The following RFWD3 variants were observed in gnomAD, a reference collection of about 807,000 sequenced individuals.
RFWD3 encodes E3 ubiquitin-protein ligase RFWD3.
In RFWD3, 65 loss-of-function variants were observed where a neutral mutation model predicts 87.7. The ratio of observed to expected loss-of-function variants is 0.74; its 90% confidence interval spans 0.61 to 0.91. The LOEUF (loss-of-function observed/expected upper bound fraction) is 0.91, where lower values mean the gene tolerates loss of function less well. RFWD3 is among the 40% of genes least tolerant of loss of function. RFWD3 has a pLI of 0.00. For missense variants in RFWD3, 1,078 were observed against 938.5 expected, an observed-to-expected ratio of 1.15 and a Z score of -1.94; for synonymous variants, 433 against 352.8, an observed-to-expected ratio of 1.23 and a Z score of -2.55.
At position 74,628,320 on chromosome 16, in the gene RFWD3, C is replaced by CA. The variant is rs919075930; in HGVS notation, c.1969+131dup. On this transcript the variant is annotated intron_variant, in intron 11 of 12. Coordinates refer to ENST00000361070, the MANE Select transcript of RFWD3 (RefSeq NM_018124.4). ...GGAGCCACCATACTCCCTGTAGTAG[C>CA]AAGAGCTACAACACACCTCGTTAGC... 15 of 776,800 alleles carry CA rather than the reference C, an allele frequency of 1.9e-5. No individual in the cohort carries two copies. The African/African-American group carries it at 2.1e-4, about 11-fold the overall frequency. The allele number at this position is 776,800 out of a possible 1,614,324, so 48.1% of individuals were successfully genotyped here.
intron 4 of RFWD3, among the ~76,000 whole-genome samples, chr16:74,645,264 C>G (rs780642947): frequency 2.0e-5 from 3 of 152,186 alleles, no homozygotes; most frequent in Non-Finnish European, 4.4e-5. Context: ...GCACACATTT[C>G]TGGAGCACCA....
chr16:74,635,390 C>T (rs1450020370), intron 8 of RFWD3, among the ~76,000 whole-genome samples: 1 of 152,004 alleles, frequency 6.6e-6, no homozygotes, highest in African/African-American at 2.4e-5. Context: ...TCTCTTGAAT[C>T]CAGGAGGCAG....
intron 1 of RFWD3, among the ~76,000 whole-genome samples, chr16:74,663,063 C>T (rs193078789): frequency 6.1e-4 from 93 of 152,092 alleles, no homozygotes; most frequent in African/African-American, 2.0e-3. Context: ...TGCCACCACG[C>T]CTGGCTAATT....
chr16:74,661,168 G>A lies in RFWD3; in HGVS notation c.282C>T (p.Ile94=), dbSNP rs774617901. 6.2e-7 allele frequency: 1 copy of A among 1,614,188 alleles called. No homozygotes were observed. The highest frequency in any genetic ancestry group is 1.3e-5 in the African/African-American group (1 of 75,050). ...TATGTTGTTCTGAAGTTCTTGGATTGATGTTCTCCACAGTGTCTTCTCCCA... is the reference window on the plus strand; with the variant it reads ...TATGTTGTTCTGAAGTTCTTGGATTAATGTTCTCCACAGTGTCTTCTCCCA... The part of the protein sequence containing the change: ...EVLGEDTVEN[I]NPRTSEQHRQ... The change falls in exon 2 of 13, where the codon ATC becomes ATT. Residue 94 remains isoleucine (I), a synonymous_variant. Coordinates refer to ENST00000361070, the MANE Select transcript of RFWD3 (RefSeq NM_018124.4).
intron 9 of RFWD3, 64 bp downstream of exon 9, chr16:74,632,459 T>C (rs576003467): frequency 3.9e-6 from 6 of 1,539,454 alleles, no homozygotes; most frequent in Middle Eastern, 3.5e-4. Flanking sequence ...ATAACACCGA[T>C]ACGAATTCCA....
chr16:74,626,327 A>C lies in RFWD3; in HGVS notation c.2181+16T>G, dbSNP rs1227175474. On this transcript the variant is annotated intron_variant, in intron 12 of 12. Transcript: ENST00000361070. ...AAACTACTTTTTATATGAAAGTAAA[A>C]AAGTAACAGGCTCACCAGGGCAGAA... The C allele has an allele frequency of 2.5e-6, 4 of 1,606,782 alleles. No homozygotes were observed. In the South Asian group the frequency reaches 3.3e-5, roughly 13 times the overall value.
chr16:74,623,125 C>A lies in RFWD3; in HGVS notation c.*803G>T, dbSNP rs1051683635. On this transcript the variant is annotated 3_prime_UTR_variant, in exon 13 of 13. Coordinates refer to ENST00000361070, the MANE Select transcript of RFWD3 (RefSeq NM_018124.4). Reference sequence around the variant, plus strand: ...CTTCAAAGCACTAGCTTGGATAAAACCAATCCTGAGATCCTAAGCTGGCTA... The same window carrying A: ...CTTCAAAGCACTAGCTTGGATAAAAACAATCCTGAGATCCTAAGCTGGCTA... The A allele has an allele frequency of 2.0e-5, 3 of 152,330 alleles. No individual in the cohort carries two copies. The highest frequency in any genetic ancestry group is 7.2e-5 in the African/African-American group (3 of 41,458). The allele number at this position is 152,330 out of a possible 1,614,324, so 9.4% of individuals were successfully genotyped here. A position where few individuals can be genotyped will look rare whatever the true frequency, so the allele number is the denominator to read the frequency against.
intron 8 of RFWD3, among the ~76,000 whole-genome samples, chr16:74,634,197 A>G (rs1959174778): frequency 1.3e-5 from 2 of 152,174 alleles, no homozygotes; most frequent in Admixed American, 1.3e-4. Context: ...ATGAAAATAA[A>G]TAATTTGTCA....
At chr16:74,653,618 G>C (rs1261836118) in intron 2 of RFWD3, among the ~76,000 whole-genome samples, 1 of 152,088 alleles carries the variant, frequency 6.6e-6, no homozygotes, top group Non-Finnish European at 1.5e-5. Flanking sequence ...TTTGAGACCA[G>C]ACTAGCCAAC....
chr16:74,640,239 G>A (rs1019164561), intron 6 of RFWD3, among the ~76,000 whole-genome samples: 1 of 150,942 alleles, frequency 6.6e-6, no homozygotes, highest in Non-Finnish European at 1.5e-5. Flanking sequence ...GCCTCCTCCC[G>A]AGTTCAAGCG....
intron 6 of RFWD3, among the ~76,000 whole-genome samples, chr16:74,638,482 T>C (rs185013077): frequency 6.6e-6 from 1 of 152,254 alleles, no homozygotes; most frequent in East Asian, 1.9e-4. Context: ...AAAGGACACA[T>C]TCACCAAGAA....
chr16:74,636,509 G>A lies in RFWD3; in HGVS notation c.1263C>T (p.Val421=), dbSNP rs1326793356. The A allele has an allele frequency of 2.5e-6, 4 of 1,613,904 alleles. No individual in the cohort carries two copies. Among genetic ancestry groups the A allele is most frequent in the Middle Eastern group, 1.7e-4 (1 of 6,012 alleles). ...LQQPRGSQAW[V]LSCSPSSQGQ... ...CCTGGCTGGAGGGTGAGCAGCTCAG[G>A]ACCCATGCTTGGGAGCCCCTGGGTT... Residue 421 remains valine, a synonymous_variant, in exon 8 of 13, where the codon GTC becomes GTT. Coordinates refer to ENST00000361070, the MANE Select transcript of RFWD3 (RefSeq NM_018124.4).
intron 7 of RFWD3, among the ~76,000 whole-genome samples, chr16:74,636,869 C>T (rs1959209178): frequency 1.3e-5 from 2 of 151,706 alleles, no homozygotes; most frequent in African/African-American, 4.8e-5. Flanking sequence ...CACTACCATG[C>T]CCGGCTAATT....
At position 74,635,471 on chromosome 16, in the gene RFWD3, G is replaced by GA. The variant is rs5817920; in HGVS notation, c.1426+874dup. 4.3e-4 allele frequency among the ~76,000 whole-genome samples: 62 copies of GA among 143,744 alleles called. 1 individual carries two copies. The highest frequency in any genetic ancestry group is 3.5e-3 in the Middle Eastern group (1 of 282). The allele number at this position is 143,744 out of a possible 152,430, so 94.3% of individuals were successfully genotyped here. On this transcript the variant is annotated intron_variant, in intron 8 of 12. Coordinates refer to ENST00000361070, the MANE Select transcript of RFWD3 (RefSeq NM_018124.4). Reference sequence around the variant, plus strand: ...AAAAGAGTGAGACTCCATCTCAAAAGAAAAAAAAAAAATCAACAAGGTAAC... The same window carrying GA: ...AAAAGAGTGAGACTCCATCTCAAAAGAAAAAAAAAAAAATCAACAAGGTAAC...
At chr16:74,662,033 T>C (rs1050127275) in intron 1 of RFWD3, among the ~76,000 whole-genome samples, 10 of 152,218 alleles carry the variant, frequency 6.6e-5, no homozygotes, top group African/African-American at 2.4e-4. Context: ...AATTCCATCA[T>C]GTTAGCGTAT....
intron 1 of RFWD3, chr16:74,665,189 G>A (rs1367343757): frequency 6.6e-6 from 1 of 152,272 alleles, no homozygotes; most frequent in Non-Finnish European, 1.5e-5. Context: ...GGTCACGCCT[G>A]TGATCCCTGG....
intron 6 of RFWD3, among the ~76,000 whole-genome samples, chr16:74,641,355 G>A (rs910642806): frequency 6.6e-6 from 1 of 151,896 alleles, no homozygotes; most frequent in Non-Finnish European, 1.5e-5. Flanking sequence ...TAGAAATGGG[G>A]TTTCACCATG....
At position 74,656,867 on chromosome 16, in the gene RFWD3, C is replaced by T. The variant is rs189381128; in HGVS notation, c.518+4065G>A. On this transcript the variant is annotated intron_variant, in intron 2 of 12. Transcript: ENST00000361070. ...AGTTGATGTCAACTCTTATGGATGA[C>T]TTTTGCCGGGCTCAAGACTTCAGTT... 2.8e-3 allele frequency among the ~76,000 whole-genome samples: 434 copies of T among 152,314 alleles called. 6 individuals carry two copies. Among genetic ancestry groups the T allele is most frequent in the Non-Finnish European group, 1.3e-3 (87 of 68,030 alleles).
chr16:74,641,741 G>A (rs1005818959), intron 6 of RFWD3, among the ~76,000 whole-genome samples: 10 of 151,702 alleles, frequency 6.6e-5, no homozygotes, highest in East Asian at 2.0e-4. Context: ...TGGCCAACAC[G>A]GTGAAACCCT....
Sources: gnomAD v4.1 joint callset for allele counts (sites outside exome capture counted in the v4.1 genomes callset) on GRCh38, gnomAD v4.1.1 for gene constraint, MANE v1.5 for transcripts, NCBI Gene and HGNC (gene_info 2026-07-23, HGNC 2026-07-21) for gene names.